The following ITSN1 variants were observed in gnomAD, a reference collection of about 807,000 sequenced individuals.
The protein encoded by ITSN1 is intersectin-1.
A neutral mutation model predicts 239.8 loss-of-function variants in ITSN1; 58 were observed. The ratio of observed to expected loss-of-function variants is 0.24; its 90% CI spans 0.20 to 0.30. The LOEUF (loss-of-function observed/expected upper bound fraction) is 0.30, where lower values mean the gene tolerates loss of function less well. Ranked by LOEUF, ITSN1 falls within the 10% of genes least tolerant of loss-of-function variation. The pLI is 1.00. For synonymous variants in ITSN1, 780 were observed against 770.8 expected (o/e 1.01, Z -0.20); for missense variants, 1,558 against 2,103.3 (o/e 0.74, Z 5.07).
intron 29 of ITSN1, among the ~76,000 whole-genome samples, chr21:33,850,431 T>C (rs1291626081): frequency 6.6e-6 from 1 of 152,138 alleles, no homozygotes; most frequent in Non-Finnish European, 1.5e-5. Context: ...CCAGACCCCA[T>C]TAAAAATCGC....
chr21:33,893,851 GAAA>G lies in ITSN1; in HGVS notation c.*5560_*5562del, dbSNP rs3057470. 0.31 allele frequency: 46,244 copies of G among 149,672 alleles called. 7,024 individuals carry two copies. Among genetic ancestry groups the G allele is most frequent in the African/African-American group, 0.33 (13,648 of 40,770 alleles). The allele number at this position is 149,672 out of a possible 1,614,324, so 9.3% of individuals were successfully genotyped here. A position where few individuals can be genotyped will look rare whatever the true frequency, so the allele number is the denominator to read the frequency against. On this transcript the variant is annotated 3_prime_UTR_variant, in exon 40 of 40. Transcript: ENST00000381318. The stretch of plus-strand genomic sequence containing the variant: ...CATAACCTTATATCTGTAGGAGCCA[GAAA>G]AAAAAAAATCTATTCCTGATAGGCA...
At chr21:33,869,699 G>A (rs1009328153) in intron 33 of ITSN1, among the ~76,000 whole-genome samples, 1 of 152,158 alleles carries the variant, frequency 6.6e-6, no homozygotes, top group Admixed American at 6.5e-5. Flanking sequence ...ATAGCTCCTG[G>A]AAAGAGGTTT....
chr21:33,830,509 G>T (rs1367579250), intron 27 of ITSN1, among the ~76,000 whole-genome samples: 1 of 152,166 alleles, frequency 6.6e-6, no homozygotes. Context: ...CATGGTGTGT[G>T]TACAGCTGTG....
At chr21:33,883,715 G>C in intron 36 of ITSN1, 44 bp downstream of exon 36, 1 of 1,600,854 alleles carries the variant, frequency 6.2e-7, no homozygotes. Flanking sequence ...GGGCTCCACG[G>C]CTCTAGGACA....
chr21:33,882,203 A>G lies in ITSN1; in HGVS notation c.4342-40A>G, dbSNP rs1346615189. ...AGCCCATGCTTTCAGATGCGGAGAA[A>G]CAAAAATGCTACACTTTGGGTTTTG... On this transcript the variant is annotated intron_variant, in intron 34 of 39. Coordinates refer to ENST00000381318, the MANE Select transcript of ITSN1 (RefSeq NM_003024.3). The surrounding 1 kb of genome is among the most constrained non-coding windows in gnomAD (Gnocchi z 4.5). The G allele has an allele frequency of 6.3e-7, 1 of 1,583,730 alleles. No individual in the cohort carries two copies. The highest frequency in any genetic ancestry group is 8.6e-7 in the Non-Finnish European group (1 of 1,157,762).
chr21:33,733,244 C>A (rs2066298498), intron 4 of ITSN1, among the ~76,000 whole-genome samples: 1 of 152,060 alleles, frequency 6.6e-6, no homozygotes, highest in Admixed American at 6.5e-5. Context: ...GTTCTCACTT[C>A]ATATGAACAT....
At chr21:33,755,695 G>A (rs1328734602) in intron 8 of ITSN1, among the ~76,000 whole-genome samples, 1 of 152,156 alleles carries the variant, frequency 6.6e-6, no homozygotes, top group Non-Finnish European at 1.5e-5. Context: ...ACAAAAACTA[G>A]CTTCAACTTC....
In ITSN1 at chr21:33,865,742, A is replaced by T. The variant is rs1018161852; in HGVS notation, c.4074+408A>T. ...TGCAGAGGGAATGGCCAGGACTCCC[A>T]GTGGCCCCTTCATTCCTTTCGCAGT... is the stretch of plus-strand genomic sequence containing the variant. On this transcript the variant is annotated intron_variant, in intron 32 of 39. Coordinates refer to ENST00000381318, the MANE Select transcript of ITSN1 (RefSeq NM_003024.3). The surrounding 1 kb of genome is among the most constrained non-coding windows in gnomAD (Gnocchi z 4.4). Among the ~76,000 whole-genome samples, 6 of 152,162 alleles carry T rather than the reference A, an allele frequency of 3.9e-5. No homozygotes were observed. Among genetic ancestry groups the T allele is most frequent in the African/African-American group, 1.4e-4 (6 of 41,442 alleles).
intron 16 of ITSN1, among the ~76,000 whole-genome samples, chr21:33,782,611 C>T (rs1602207075): frequency 6.6e-6 from 1 of 152,038 alleles, no homozygotes; most frequent in Non-Finnish European, 1.5e-5. Flanking sequence ...ATGGTTTTGT[C>T]ACATTTGCAC....
chr21:33,744,464 A>G (rs7275319), intron 5 of ITSN1, among the ~76,000 whole-genome samples: 3,082 of 152,246 alleles, frequency 0.02, 120 homozygotes, highest in African/African-American at 0.071. Flanking sequence ...TCATCTATCC[A>G]TCTATTTGTC....
rs1270834174 is a variant in ITSN1, at chr21:33,821,125, CACA to C, written c.3016+1803_3016+1805del. 4.6e-5 allele frequency among the ~76,000 whole-genome samples: 7 copies of C among 152,148 alleles called. No homozygotes were observed. The East Asian group carries it at 1.3e-3, about 29-fold the overall frequency. ...TCATTCCCTGGATTAGTGATAAAGCCACATAAAGTATGAGCATCCTCATCCAAT... is the reference window on the plus strand; with the variant it reads ...TCATTCCCTGGATTAGTGATAAAGCCTAAAGTATGAGCATCCTCATCCAAT... On this transcript the variant is annotated intron_variant, in intron 24 of 39. Transcript: ENST00000381318.
At chr21:33,886,607 G>T (rs1985841157) in intron 39 of ITSN1, 147 bp downstream of exon 39, 5 of 708,598 alleles carry the variant, frequency 7.1e-6, no homozygotes, top group Non-Finnish European at 1.1e-5. Flanking sequence ...ACGAGGCTCT[G>T]TCTCCCCTGG....
At chr21:33,799,969 A>T (rs1351531118) in intron 19 of ITSN1, 40 bp downstream of exon 19, 1 of 1,596,674 alleles carries the variant, frequency 6.3e-7, no homozygotes, top group Non-Finnish European at 8.5e-7. Context: ...TCTGTTGAAG[A>T]TTAGCCTCTG....
rs1234748307 is a variant in ITSN1 at position 33,851,753 on chromosome 21, T to TTTTTC, written c.3662-4964_3662-4960dup. Among the ~76,000 whole-genome samples, 10 of 147,356 alleles carry TTTTTC rather than the reference T, an allele frequency of 6.8e-5. 1 individual carries two copies. Among genetic ancestry groups the TTTTTC allele is most frequent in the Admixed American group, 3.4e-4 (5 of 14,616 alleles). ...AATTTCTTTTTTTTTTTTCTCGTTT[T>TTTTTC]TTTTCTTTTCTTTTCTTTTCTTTCC... On this transcript the variant is annotated intron_variant, in intron 29 of 39. Transcript: ENST00000381318.
At chr21:33,817,310 A>G in intron 22 of ITSN1, 1 of 1,304,358 alleles carries the variant, frequency 7.7e-7, no homozygotes. Flanking sequence ...GACCCCCTGC[A>G]GTGTTCCACC....
At chr21:33,724,376 G>A (rs2147127232) in intron 4 of ITSN1, among the ~76,000 whole-genome samples, 1 of 152,314 alleles carries the variant, frequency 6.6e-6, no homozygotes, top group East Asian at 1.9e-4. Flanking sequence ...CAAGAAAGAA[G>A]TCATGTGCAA....
chr21:33,649,966 T>C (rs2088353840), intron 1 of ITSN1, among the ~76,000 whole-genome samples: 1 of 150,842 alleles, frequency 6.6e-6, no homozygotes, highest in East Asian at 1.9e-4. Flanking sequence ...GAGGTGGAGA[T>C]TTCAGTGAGC....
At chr21:33,798,765 T>G (rs910689219) in intron 18 of ITSN1, among the ~76,000 whole-genome samples, 1 of 152,060 alleles carries the variant, frequency 6.6e-6, no homozygotes, top group Non-Finnish European at 1.5e-5. Flanking sequence ...AGGTATGGAG[T>G]TGCATTAGGC....
chr21:33,709,369 T>C (rs1218491692), intron 1 of ITSN1, among the ~76,000 whole-genome samples: 1 of 152,170 alleles, frequency 6.6e-6, no homozygotes, highest in Non-Finnish European at 1.5e-5. Flanking sequence ...AGACGGAGTT[T>C]CACTCTTGTT....
Sources: gnomAD v4.1 joint callset for allele counts (sites outside exome capture counted in the v4.1 genomes callset) on GRCh38, gnomAD v4.1.1 for gene constraint, Gnocchi (gnomAD v3.1) non-coding constraint, MANE v1.5 for transcripts, NCBI Gene and HGNC (gene_info 2026-07-23, HGNC 2026-07-21) for gene names.